The following KAZN variants were observed in gnomAD, a reference collection of about 807,000 sequenced individuals.
KAZN encodes kazrin.
KAZN carries 40 observed loss-of-function variants against 87.4 expected under a neutral mutation model. The ratio of observed to expected loss-of-function variants is 0.46; its 90% confidence interval spans 0.36 to 0.60. The LOEUF is 0.60. Among genes scored for constraint, KAZN ranks in the 20% least tolerant of loss-of-function variants. The probability of loss-of-function intolerance (pLI) is 0.00; values close to 1 mark genes in which losing one functional copy is unlikely to be tolerated. For synonymous variants in KAZN, 466 were observed against 458.3 expected (o/e 1.02, Z -0.22); for missense variants, 898 against 1,073.9 (o/e 0.84, Z 2.29).
At chr1:15,041,262 C>G (rs1451215118) in intron 3 of KAZN, among the ~76,000 whole-genome samples, 1 of 150,924 alleles carries the variant, frequency 6.6e-6, no homozygotes, top group East Asian at 2.0e-4. Context: ...GCACCCGGCT[C>G]CTAGCCAGAC....
intron 1 of KAZN, among the ~76,000 whole-genome samples, chr1:14,613,354 C>T (rs192346857): frequency 2.6e-5 from 4 of 152,314 alleles, no homozygotes; most frequent in African/African-American, 9.6e-5. Flanking sequence ...CCCTGGTGAG[C>T]AGGCACACAG....
intron 1 of KAZN, among the ~76,000 whole-genome samples, chr1:14,118,050 G>A (rs192428396): frequency 4.6e-5 from 7 of 152,238 alleles, no homozygotes; most frequent in South Asian, 4.2e-4. Context: ...GCTTGAGACC[G>A]GGGCGTTGCA....
chr1:14,520,628 C>T (rs950421454), intron 2 of KAZN, among the ~76,000 whole-genome samples: 1 of 152,194 alleles, frequency 6.6e-6, no homozygotes, highest in African/African-American at 2.4e-5. Context: ...GGAGCCCAGG[C>T]AAGAGCTCAG....
intron 2 of KAZN, among the ~76,000 whole-genome samples, chr1:14,462,436 A>T (rs1667905874): frequency 6.6e-6 from 1 of 152,110 alleles, no homozygotes; most frequent in Non-Finnish European, 1.5e-5. Context: ...ATTTTAATTA[A>T]CCCCACTGAT....
intron 1 of KAZN, among the ~76,000 whole-genome samples, chr1:14,858,876 T>A (rs568047308): frequency 1.3e-5 from 2 of 152,316 alleles, no homozygotes; most frequent in South Asian, 4.1e-4. Flanking sequence ...TCTCTCATCA[T>A]GTACATCTCG....
intron 2 of KAZN, among the ~76,000 whole-genome samples, chr1:14,589,894 A>T (rs1342378270): frequency 6.6e-6 from 1 of 152,160 alleles, no homozygotes; most frequent in Non-Finnish European, 1.5e-5. Flanking sequence ...GAACTCAAGG[A>T]AGCAGAAGTC....
chr1:14,061,132 G>T (rs72861243), intron 1 of KAZN, among the ~76,000 whole-genome samples: 1 of 152,162 alleles, frequency 6.6e-6, no homozygotes, highest in African/African-American at 2.4e-5. Context: ...TCCAGCAAAC[G>T]GGGGAGTATT....
intron 1 of KAZN, among the ~76,000 whole-genome samples, chr1:14,108,849 C>A (rs1484579182): frequency 1.3e-5 from 2 of 152,214 alleles, no homozygotes; most frequent in Non-Finnish European, 2.9e-5. Flanking sequence ...CCATCCTTGG[C>A]AGGAAGGAGA....
At chr1:14,574,930 A>G in intron 2 of KAZN, among the ~76,000 whole-genome samples, 1 of 152,166 alleles carries the variant, frequency 6.6e-6, no homozygotes, top group South Asian at 2.1e-4. Context: ...TCTCCAGGGC[A>G]TTGAGGAGGA....
intron 2 of KAZN, among the ~76,000 whole-genome samples, chr1:14,964,388 T>C (rs1664217246): frequency 6.6e-6 from 1 of 152,164 alleles, no homozygotes. Context: ...AGATGTTGCT[T>C]GTCTGATTCT....
intron 2 of KAZN, among the ~76,000 whole-genome samples, chr1:14,547,786 T>C (rs1375280827): frequency 6.6e-6 from 1 of 152,042 alleles, no homozygotes; most frequent in Admixed American, 6.6e-5. Flanking sequence ...AGACAGGGTT[T>C]CACCATGTCG....
At chr1:15,082,563 C>T (rs1640056651) in intron 8 of KAZN, among the ~76,000 whole-genome samples, 1 of 152,218 alleles carries the variant, frequency 6.6e-6, no homozygotes, top group Non-Finnish European at 1.5e-5. Context: ...GGGTGTCTGC[C>T]AATGGCACTC....
intron 1 of KAZN, among the ~76,000 whole-genome samples, chr1:14,922,539 A>C (rs900818607): frequency 6.6e-6 from 1 of 152,186 alleles, no homozygotes; most frequent in Non-Finnish European, 1.5e-5. Context: ...TGGCGCAGTT[A>C]AAAGTGCACT....
At chr1:13,951,410 A>G (rs1223117752) in intron 1 of KAZN, among the ~76,000 whole-genome samples, 1 of 152,154 alleles carries the variant, frequency 6.6e-6, no homozygotes, top group African/African-American at 2.4e-5. Flanking sequence ...TGCCTGGCTC[A>G]TGGTTCGGGG....
At chr1:15,067,260 A>G in intron 8 of KAZN, 1 of 985,486 alleles carries the variant, frequency 1.0e-6, no homozygotes, top group South Asian at 4.7e-5. Context: ...CATCAGCCAC[A>G]CTTAGAATCT....
At chr1:14,808,069 A>G (rs1312140195) in intron 1 of KAZN, among the ~76,000 whole-genome samples, 2 of 152,152 alleles carry the variant, frequency 1.3e-5, no homozygotes, top group East Asian at 3.9e-4. Flanking sequence ...CTGGGGTGGC[A>G]GTGAATGAGG....
intron 2 of KAZN, among the ~76,000 whole-genome samples, chr1:14,578,348 G>A (rs770708217): frequency 3.3e-5 from 5 of 152,044 alleles, no homozygotes; most frequent in African/African-American, 7.2e-5. Context: ...AAAGGAGCCC[G>A]TGATATTTCA....
chr1:14,970,557 GT>G (rs1664919938), intron 2 of KAZN, among the ~76,000 whole-genome samples: 1 of 152,178 alleles, frequency 6.6e-6, no homozygotes, highest in Non-Finnish European at 1.5e-5. Flanking sequence ...CTCATCTGGG[GT>G]TTTTAGCACT....
intron 1 of KAZN, among the ~76,000 whole-genome samples, chr1:14,752,499 CA>C (rs1381963451): frequency 6.6e-6 from 1 of 152,086 alleles, no homozygotes; most frequent in Non-Finnish European, 1.5e-5. Context: ...CTGGGAAGTC[CA>C]AGATCAAGAC....
Sources: allele counts gnomAD v4.1 joint callset (sites outside exome capture counted in the v4.1 genomes callset), GRCh38; gene constraint gnomAD v4.1.1; transcripts MANE v1.5; gene names NCBI Gene and HGNC (gene_info 2026-07-23, HGNC 2026-07-21).